SLC6A20: variants seen among roughly 807,000 people sequenced by gnomAD.
The protein encoded by SLC6A20 is sodium- and chloride-dependent transporter XTRP3.
Under a neutral mutation model 64.3 loss-of-function variants are expected in SLC6A20, and 73 were observed. The ratio of observed to expected loss-of-function variants is 1.14; its 90% CI spans 0.94 to 1.38. SLC6A20 has a LOEUF of 1.38. Among genes scored for constraint, SLC6A20 ranks in the 40% most tolerant of loss-of-function variants. The pLI, the probability that SLC6A20 is intolerant of heterozygous loss-of-function variation, is 0.00. For missense variants in SLC6A20, 725 were observed against 772.8 expected (o/e 0.94, Z 0.73); for synonymous variants, 347 against 329.6 (o/e 1.05, Z -0.57).
At chr3:45,764,999 G>C (rs1452469011) in intron 8 of SLC6A20, among the ~76,000 whole-genome samples, 2 of 151,760 alleles carry the variant, frequency 1.3e-5, no homozygotes, top group African/African-American at 4.8e-5. Flanking sequence ...AATCACCTGG[G>C]GTCAGGAGTT....
chr3:45,794,904 T>C (rs1700321150), intron 1 of SLC6A20, among the ~76,000 whole-genome samples: 1 of 152,250 alleles, frequency 6.6e-6, no homozygotes, highest in Non-Finnish European at 1.5e-5. Flanking sequence ...ATGGTGTATT[T>C]ATGCACTTCA....
chr3:45,757,686 CACAG>C lies in SLC6A20; in HGVS notation c.*1288_*1291del. ...GAGTTTCTTATGTCTTCCTTTTCTACACAGACACAGTAACAATCTGATCTTTCTT... is the reference window on the plus strand; with the variant it reads ...GAGTTTCTTATGTCTTCCTTTTCTACACACAGTAACAATCTGATCTTTCTT... On this transcript the variant is annotated 3_prime_UTR_variant, in exon 11 of 11. Transcript: ENST00000358525. 1 of 164,694 alleles carries C rather than the reference CACAG, an allele frequency of 6.1e-6. No homozygotes were observed. The highest frequency in any genetic ancestry group is 1.3e-5 in the Non-Finnish European group (1 of 77,910). The allele number at this position is 164,694 out of a possible 1,614,324, so 10.2% of individuals were successfully genotyped here.
At chr3:45,769,012 A>C (rs1699817447) in intron 7 of SLC6A20, among the ~76,000 whole-genome samples, 1 of 152,238 alleles carries the variant, frequency 6.6e-6, no homozygotes, top group African/African-American at 2.4e-5. Flanking sequence ...AAACTGAAGC[A>C]AATCTATACA....
chr3:45,770,535 G>T (rs1699844061), intron 6 of SLC6A20, among the ~76,000 whole-genome samples, 164 bp from the exon 7 acceptor site: 1 of 152,216 alleles, frequency 6.6e-6, no homozygotes, highest in Non-Finnish European at 1.5e-5. Flanking sequence ...AGAAGCCTCA[G>T]ATATGAACAG....
chr3:45,765,072 G>T lies in SLC6A20; in HGVS notation c.1303+465C>A, dbSNP rs1039929774. ...TACTAAAAATACAAAAATTAGCCAGGTGTCATGGCGTGCACCTGTAATCCC... is the reference window on the plus strand; with the variant it reads ...TACTAAAAATACAAAAATTAGCCAGTTGTCATGGCGTGCACCTGTAATCCC... On this transcript the variant is annotated intron_variant, in intron 8 of 10. Transcript: ENST00000358525. The surrounding 1 kb of genome is among the most constrained non-coding windows in gnomAD (Gnocchi z 4.2). Among the ~76,000 whole-genome samples, 24 of 152,040 alleles carry T rather than the reference G, an allele frequency of 1.6e-4. No homozygotes were observed. Among genetic ancestry groups the T allele is most frequent in the Admixed American group, 3.9e-4 (6 of 15,290 alleles).
At chr3:45,791,261 T>C (rs998986091) in intron 1 of SLC6A20, among the ~76,000 whole-genome samples, 1 of 152,224 alleles carries the variant, frequency 6.6e-6, no homozygotes, top group African/African-American at 2.4e-5. Flanking sequence ...GTTTATATTA[T>C]ATATTGTTTG....
At position 45,796,309 on chromosome 3, in the gene SLC6A20, C is replaced by T; in HGVS notation, c.111G>A (p.Met37Ile). 1 of 1,609,790 alleles carries T rather than the reference C, an allele frequency of 6.2e-7. No homozygotes were observed. Reference protein sequence around the residue: ...NVWRFPYLCQMYGGGSFLVPY... With the variant: ...NVWRFPYLCQIYGGGSFLVPY... The stretch of plus-strand genomic sequence containing the variant: ...GCGGTGGGCACTCACCTCCGCCGTA[C>T]ATCTGGCACAGGTACGGGAATCGCC... The change falls in exon 1 of 11, where the codon ATG (methionine) becomes ATA (isoleucine). Residue 37 changes from methionine (M) to isoleucine (I), a missense_variant. Physicochemically the swap from Met to Ile is conservative, Grantham distance 10. Coordinates refer to ENST00000358525, the MANE Select transcript of SLC6A20 (RefSeq NM_020208.4).
rs1263624237 is a variant in SLC6A20 at position 45,796,338 on chromosome 3, C to T, written c.82G>A (p.Val28Met). 6.2e-7 allele frequency: 1 copy of T among 1,612,220 alleles called. No individual in the cohort carries two copies. Among genetic ancestry groups the T allele is most frequent in the Non-Finnish European group, 8.5e-7 (1 of 1,179,470 alleles). ...CISYAVGLGN[V>M]WRFPYLCQMY... The stretch of plus-strand genomic sequence containing the variant: ...TGGCACAGGTACGGGAATCGCCACA[C>T]GTTGCCCAGGCCCACGGCGTACGAG... Residue 28 changes from valine (V) to methionine (M), a missense_variant, in exon 1 of 11, where the codon GTG becomes ATG. By Grantham distance (21) the Val-to-Met change is conservative. Transcript: ENST00000358525.
intron 6 of SLC6A20, 100 bp from the exon 7 acceptor site, chr3:45,770,471 G>T (rs774035762): frequency 7.1e-7 from 1 of 1,416,364 alleles, no homozygotes; most frequent in Non-Finnish European, 9.6e-7. Context: ...TGAGGAAAGG[G>T]AGTCTGTTGC....
intron 10 of SLC6A20, 30 bp downstream of exon 10, chr3:45,759,827 C>T (rs774223102): frequency 1.0e-5 from 16 of 1,582,966 alleles, no homozygotes; most frequent in African/African-American, 2.7e-5. Flanking sequence ...CATGGGGGCC[C>T]AGCGCCAGCC....
rs141811843 is a variant in SLC6A20 at position 45,759,111 on chromosome 3, T to C, written c.1646A>G (p.Lys549Arg). ...WDASQGQLVT[K>R]DYPAYALAVI... is the part of the protein sequence containing the mutation. Reference sequence around the variant, plus strand: ...AGCCAGTGCATAGGCCGGGTAATCTTTGGTCACGAGCTGGCCCTGAAAGGA... The same window carrying C: ...AGCCAGTGCATAGGCCGGGTAATCTCTGGTCACGAGCTGGCCCTGAAAGGA... The change falls in exon 11 of 11, where the codon AAA becomes AGA. Residue 549 changes from lysine to arginine, a missense_variant. Physicochemically the swap from Lys to Arg is conservative, Grantham distance 26. Transcript: ENST00000358525. 2.8e-4 allele frequency: 448 copies of C among 1,610,728 alleles called. No homozygotes were observed. The highest frequency in any genetic ancestry group is 3.8e-4 in the Admixed American group (23 of 59,826).
chr3:45,776,481 A>G (rs1430915085), intron 3 of SLC6A20, among the ~76,000 whole-genome samples: 2 of 152,158 alleles, frequency 1.3e-5, no homozygotes, highest in African/African-American at 4.8e-5. Flanking sequence ...GAGTAGCTTA[A>G]GCAGATGAGA....
At chr3:45,764,411 G>A (rs1699737194) in intron 8 of SLC6A20, among the ~76,000 whole-genome samples, 1 of 152,196 alleles carries the variant, frequency 6.6e-6, no homozygotes, top group Admixed American at 6.5e-5. Flanking sequence ...ATGAAATTCA[G>A]GAACAGGAAG....
At chr3:45,766,195 C>G (rs1044052418) in intron 7 of SLC6A20, among the ~76,000 whole-genome samples, 1 of 152,148 alleles carries the variant, frequency 6.6e-6, no homozygotes, top group Non-Finnish European at 1.5e-5. Context: ...TCAGCGGTCA[C>G]GTCCCTGTGC....
Position 45,794,846 on chromosome 3 carries a change from A to T in SLC6A20, c.121+1453T>A, listed in dbSNP as rs559322278. Among the ~76,000 whole-genome samples the T allele has an allele frequency of 2.0e-5, 3 of 152,356 alleles. No homozygotes were observed. In the South Asian group the frequency reaches 6.2e-4, roughly 32 times the overall value. ...GTCAGTTATAGAGCTGTTAGAGCAC[A>T]TGGTAATGCTGTTAGAGCATATGGC... On this transcript the variant is annotated intron_variant, in intron 1 of 10. Transcript: ENST00000358525.
rs1699529206 is a variant in SLC6A20 at position 45,755,772 on chromosome 3, C to A, written c.*3206G>T. Reference sequence around the variant, plus strand: ...CTCAAGAGGATTCTTGAGAAATGTTCTGCTCTTCATGAAATTCACAGAAAC... The same window carrying A: ...CTCAAGAGGATTCTTGAGAAATGTTATGCTCTTCATGAAATTCACAGAAAC... On this transcript the variant is annotated 3_prime_UTR_variant, in exon 11 of 11. Transcript: ENST00000358525. 1 of 152,586 alleles carries A rather than the reference C, an allele frequency of 6.6e-6. No individual in the cohort carries two copies. Among genetic ancestry groups the A allele is most frequent in the Non-Finnish European group, 1.5e-5 (1 of 68,028 alleles). The allele number at this position is 152,586 out of a possible 1,614,324, so 9.5% of individuals were successfully genotyped here.
chr3:45,763,256 G>A (rs557252591), intron 8 of SLC6A20, among the ~76,000 whole-genome samples, 184 bp from the exon 9 acceptor site: 117 of 152,310 alleles, frequency 7.7e-4, no homozygotes, highest in African/African-American at 2.6e-3. Flanking sequence ...TGTGGGGCAG[G>A]GGGCACAATG....
intron 3 of SLC6A20, among the ~76,000 whole-genome samples, chr3:45,778,391 C>T (rs960535009): frequency 6.6e-6 from 1 of 152,192 alleles, no homozygotes; most frequent in Non-Finnish European, 1.5e-5. Context: ...AGCTACTATT[C>T]CTCTCATTAT....
At position 45,758,014 on chromosome 3, in the gene SLC6A20, C is replaced by G. The variant is rs1229158028; in HGVS notation, c.*964G>C. Reference sequence around the variant, plus strand: ...CACAGCAACCGCCACCTCCTAGGTTCAAATGATTCTTGTGCCTCAGCAGCC... The same window carrying G: ...CACAGCAACCGCCACCTCCTAGGTTGAAATGATTCTTGTGCCTCAGCAGCC... On this transcript the variant is annotated 3_prime_UTR_variant, in exon 11 of 11. Coordinates refer to ENST00000358525, the MANE Select transcript of SLC6A20 (RefSeq NM_020208.4). 1.3e-5 allele frequency: 2 copies of G among 150,418 alleles called. No homozygotes were observed. The highest frequency in any genetic ancestry group is 6.9e-5 in the Admixed American group (1 of 14,598). The allele number at this position is 150,418 out of a possible 1,614,324, so 9.3% of individuals were successfully genotyped here.
Sources: gnomAD v4.1 joint callset for allele counts (sites outside exome capture counted in the v4.1 genomes callset) on GRCh38, gnomAD v4.1.1 for gene constraint, Gnocchi (gnomAD v3.1) non-coding constraint, MANE v1.5 for transcripts, NCBI Gene and HGNC (gene_info 2026-07-23, HGNC 2026-07-21) for gene names.